LRRTM3: variants seen among roughly 807,000 people sequenced by gnomAD.
LRRTM3 encodes the protein leucine-rich repeat transmembrane neuronal protein 3.
In LRRTM3, 24 loss-of-function variants were observed where a neutral mutation model predicts 44.7. That is an observed-to-expected ratio of 0.54 (90% CI 0.39 to 0.76). LRRTM3 has a LOEUF of 0.76. Among genes scored for constraint, LRRTM3 ranks in the 30% least tolerant of loss-of-function variants. The pLI is 0.00. For missense variants in LRRTM3, 587 were observed against 702.2 expected (o/e 0.84, Z 1.85); for synonymous variants, 277 against 278.7 (o/e 0.99, Z 0.06).
intron 2 of LRRTM3, among the ~76,000 whole-genome samples, chr10:67,090,568 G>C (rs756965708): frequency 3.3e-5 from 5 of 152,064 alleles, no homozygotes; most frequent in Non-Finnish European, 7.4e-5. Context: ...CTAGACGAGT[G>C]ATTTTATACA....
At chr10:67,031,975 A>T (rs1466987513) in intron 2 of LRRTM3, among the ~76,000 whole-genome samples, 1 of 152,190 alleles carries the variant, frequency 6.6e-6, no homozygotes, top group Non-Finnish European at 1.5e-5. Flanking sequence ...AATTCTAGAA[A>T]TCTGAGTTCT....
chr10:67,090,347 G>T (rs1041868400), intron 2 of LRRTM3, among the ~76,000 whole-genome samples: 5 of 152,064 alleles, frequency 3.3e-5, no homozygotes, highest in Non-Finnish European at 7.4e-5. Context: ...GTGCAAAGAA[G>T]CATCATAAAA....
intron 2 of LRRTM3, among the ~76,000 whole-genome samples, chr10:67,050,339 T>C (rs1005995564): frequency 1.3e-5 from 2 of 152,230 alleles, no homozygotes; most frequent in Admixed American, 1.3e-4. Context: ...CTACTTTTTC[T>C]TTTTGCAACT....
At chr10:66,931,685 TG>T (rs1203763931) in intron 2 of LRRTM3, among the ~76,000 whole-genome samples, 1 of 151,598 alleles carries the variant, frequency 6.6e-6, no homozygotes, top group African/African-American at 2.4e-5. Context: ...TTCATTTCCT[TG>T]GGAAATATAA....
chr10:67,068,177 G>A (rs71496030), intron 2 of LRRTM3, among the ~76,000 whole-genome samples: 1 of 152,130 alleles, frequency 6.6e-6, no homozygotes, highest in Non-Finnish European at 1.5e-5. Context: ...AGAAGAGAAG[G>A]GGGGAAGGAT....
intron 2 of LRRTM3, among the ~76,000 whole-genome samples, chr10:66,952,976 G>A (rs1169206756): frequency 6.6e-6 from 1 of 151,990 alleles, no homozygotes; most frequent in Admixed American, 6.6e-5. Context: ...CCTCCAAGTA[G>A]TTTTCAAAAA....
chr10:66,985,528 T>C (rs1354243362), intron 2 of LRRTM3, among the ~76,000 whole-genome samples: 1 of 152,050 alleles, frequency 6.6e-6, no homozygotes, highest in Non-Finnish European at 1.5e-5. Flanking sequence ...CTTCTGCAGA[T>C]GGTTCCCATT....
intron 1 of LRRTM3, 105 bp from the exon 2 acceptor site, chr10:66,926,816 T>A (rs1847104676): frequency 9.3e-7 from 1 of 1,075,058 alleles, no homozygotes; most frequent in African/African-American, 1.6e-5. Context: ...TAAGTGTTAT[T>A]TAGATTTAAA....
At chr10:66,963,486 T>C (rs953487959) in intron 2 of LRRTM3, among the ~76,000 whole-genome samples, 3 of 152,148 alleles carry the variant, frequency 2.0e-5, no homozygotes, top group African/African-American at 7.2e-5. Context: ...TCCAAGTAGA[T>C]GTGAGCAAAT....
rs576341280 is a variant in LRRTM3, at chr10:66,926,231, T to C, written c.-353T>C. The C allele has an allele frequency of 2.2e-6, 1 of 454,620 alleles. No homozygotes were observed. The highest frequency in any genetic ancestry group is 5.2e-5 in the East Asian group (1 of 19,250). 28.2% of individuals were successfully genotyped at this position (454,620 alleles called of 1,614,324 possible). On this transcript the variant is annotated 5_prime_UTR_variant, in exon 1 of 3. Coordinates refer to ENST00000361320, the MANE Select transcript of LRRTM3 (RefSeq NM_178011.5). ...AAATTGCCTGGAAGAATACATCATG[T>C]TTTTCGATAAGAAGAAATTGTAGGA...
Position 66,927,085 on chromosome 10 carries a change from T to C in LRRTM3, c.169T>C (p.Ser57Pro). The C allele has an allele frequency of 6.2e-7, 1 of 1,614,190 alleles. No homozygotes were observed. Among genetic ancestry groups the C allele is most frequent in the South Asian group, 1.1e-5 (1 of 91,086 alleles). ...CESQKLQEIPSSISAGCLGLS... is the reference protein window; with the variant it reads ...CESQKLQEIPPSISAGCLGLS... The stretch of plus-strand genomic sequence containing the variant: ...ATCTCAGAAATTACAGGAGATACCC[T>C]CAAGTATATCTGCTGGTTGCTTAGG... The change falls in exon 2 of 3, where the codon TCA becomes CCA. Residue 57 changes from serine (S) to proline (P), a missense_variant. Coordinates refer to ENST00000361320, the MANE Select transcript of LRRTM3 (RefSeq NM_178011.5). This position sits in a 1 kb window ranked among gnomAD's most constrained non-coding sequence, Gnocchi z 4.7.
chr10:66,978,883 A>T (rs1850236689), intron 2 of LRRTM3, among the ~76,000 whole-genome samples: 1 of 149,330 alleles, frequency 6.7e-6, no homozygotes, highest in South Asian at 2.1e-4. Context: ...AAAGCCTATT[A>T]TTTGAAGGAA....
intron 2 of LRRTM3, among the ~76,000 whole-genome samples, chr10:66,974,392 A>G (rs980227854): frequency 2.0e-5 from 3 of 152,178 alleles, no homozygotes; most frequent in African/African-American, 7.2e-5. Flanking sequence ...CACTTTACGC[A>G]TTCACCTGTT....
chr10:67,016,102 G>A (rs1193189613), intron 2 of LRRTM3, among the ~76,000 whole-genome samples: 2 of 151,984 alleles, frequency 1.3e-5, no homozygotes, highest in African/African-American at 4.8e-5. Context: ...ATATACACTT[G>A]TGTCATTTAT....
intron 2 of LRRTM3, among the ~76,000 whole-genome samples, chr10:67,039,379 C>T (rs1854261212): frequency 6.6e-6 from 1 of 152,050 alleles, no homozygotes; most frequent in Admixed American, 6.6e-5. Context: ...TTTCCCTGTG[C>T]AGCAGAAAAA....
intron 2 of LRRTM3, among the ~76,000 whole-genome samples, chr10:66,947,799 A>C (rs1323449330): frequency 2.0e-5 from 3 of 152,208 alleles, no homozygotes; most frequent in Admixed American, 6.5e-5. Context: ...ACACTAAGTT[A>C]GGCTGGCCAA....
intron 2 of LRRTM3, among the ~76,000 whole-genome samples, chr10:67,021,477 T>C (rs1853011959): frequency 6.6e-6 from 1 of 152,118 alleles, no homozygotes; most frequent in Non-Finnish European, 1.5e-5. Context: ...GTCACTGTCA[T>C]GTTATTTGTG....
chr10:67,038,165 T>C (rs992417366), intron 2 of LRRTM3, among the ~76,000 whole-genome samples: 5 of 152,144 alleles, frequency 3.3e-5, no homozygotes, highest in African/African-American at 1.2e-4. Context: ...TTATAAAGAT[T>C]ATCTGAAATT....
At position 66,970,670 on chromosome 10, in the gene LRRTM3, A is replaced by G. The variant is rs370714264; in HGVS notation, c.1536+42218A>G. On this transcript the variant is annotated intron_variant, in intron 2 of 2. Coordinates refer to ENST00000361320, the MANE Select transcript of LRRTM3 (RefSeq NM_178011.5). ...ATATAACCAGAAAATCTGCATCTAC[A>G]TAATGACACTATTTTCACATAGCCC... is the stretch of plus-strand genomic sequence containing the variant. 9.3e-4 allele frequency among the ~76,000 whole-genome samples: 142 copies of G among 152,294 alleles called. 1 individual carries two copies. The highest frequency in any genetic ancestry group is 3.2e-3 in the African/African-American group (132 of 41,548).
Sources: gnomAD v4.1 joint callset for allele counts (sites outside exome capture counted in the v4.1 genomes callset) on GRCh38, gnomAD v4.1.1 for gene constraint, Gnocchi (gnomAD v3.1) non-coding constraint, MANE v1.5 for transcripts, NCBI Gene and HGNC (gene_info 2026-07-23, HGNC 2026-07-21) for gene names.